Variants in VPS35L observed in about 807,000 individuals in gnomAD.
The protein encoded by VPS35L is VPS35 endosomal protein-sorting factor-like.
A neutral mutation model predicts 133.0 loss-of-function variants in VPS35L; 83 were observed. The observed-to-expected ratio is 0.62, with a 90% CI of 0.52 to 0.75. The LOEUF (loss-of-function observed/expected upper bound fraction) is 0.75, where lower values mean the gene tolerates loss of function less well. VPS35L is among the 30% of genes least tolerant of loss of function. VPS35L has a pLI of 0.00. For synonymous variants in VPS35L, 423 were observed against 449.9 expected, an observed-to-expected ratio of 0.94 and a Z score of 0.76; for missense variants, 1,083 against 1,206.8, an observed-to-expected ratio of 0.90 and a Z score of 1.52.
chr16:19,668,950 A>T (rs1440529726), intron 26 of VPS35L, among the ~76,000 whole-genome samples: 1 of 152,240 alleles, frequency 6.6e-6, no homozygotes, highest in Non-Finnish European at 1.5e-5. Flanking sequence ...AGACAATTTA[A>T]CAGAGGTTCT....
intron 17 of VPS35L, among the ~76,000 whole-genome samples, chr16:19,629,072 G>A (rs377498303): frequency 6.6e-6 from 1 of 152,108 alleles, no homozygotes; most frequent in Non-Finnish European, 1.5e-5. Flanking sequence ...CACTTTGCCC[G>A]GCCTGCCATT....
At chr16:19,599,333 T>C (rs546037519) in intron 8 of VPS35L, among the ~76,000 whole-genome samples, 1 of 152,316 alleles carries the variant, frequency 6.6e-6, no homozygotes, top group African/African-American at 2.4e-5. Flanking sequence ...GCTTGGAGTC[T>C]GCAGCCCAGT....
intron 28 of VPS35L, among the ~76,000 whole-genome samples, chr16:19,689,674 T>C (rs1975597607): frequency 6.6e-6 from 1 of 152,282 alleles, no homozygotes; most frequent in South Asian, 2.1e-4. Context: ...ATTTGCACAC[T>C]GTACTGAATA....
At chr16:19,682,535 GA>G in intron 28 of VPS35L, 145 bp downstream of exon 28, 2 of 944,712 alleles carry the variant, frequency 2.1e-6, no homozygotes, top group Non-Finnish European at 3.1e-6. Context: ...GTATTTACCT[GA>G]TCTAAGATTT....
Position 19,608,261 on chromosome 16 carries a change from C to G in VPS35L, c.868C>G (p.Leu290Val), listed in dbSNP as rs780802972. ...TTTCAAGATTGCCTCCATCAGGGAA[C>G]TCATTCCAAGATTGTATCCTTTTTT... Reference protein sequence around the residue: ...WFFKIASIRELIPRFYVEASI... With the variant: ...WFFKIASIREVIPRFYVEASI... Residue 290 changes from leucine (L) to valine (V), a missense_variant, in exon 10 of 31, where the codon CTC becomes GTC. Transcript: ENST00000417362. The G allele has an allele frequency of 3.2e-6, 5 of 1,584,410 alleles. No homozygotes were observed. The African/African-American group carries it at 4.1e-5, about 13-fold the overall frequency.
chr16:19,662,188 G>T (rs966177607), intron 26 of VPS35L, among the ~76,000 whole-genome samples: 1 of 152,078 alleles, frequency 6.6e-6, no homozygotes, highest in African/African-American at 2.4e-5. Flanking sequence ...GGGCAGCAGA[G>T]CAAGGCCCTG....
chr16:19,606,370 A>G (rs981725839), intron 9 of VPS35L, among the ~76,000 whole-genome samples: 5 of 152,228 alleles, frequency 3.3e-5, no homozygotes, highest in African/African-American at 9.6e-5. Context: ...AATAACTGCT[A>G]TCTTTTCCTG....
chr16:19,600,592 C>T (rs766217995), intron 8 of VPS35L, among the ~76,000 whole-genome samples: 1 of 152,126 alleles, frequency 6.6e-6, no homozygotes, highest in African/African-American at 2.4e-5. Context: ...ATTGAGTACC[C>T]CCTGTGTGCC....
At chr16:19,642,547 T>G in intron 22 of VPS35L, 71 bp downstream of exon 22, 1 of 1,298,006 alleles carries the variant, frequency 7.7e-7, no homozygotes, top group Non-Finnish European at 1.1e-6. Context: ...CATTAGGGAA[T>G]GACTGCTTTA....
intron 3 of VPS35L, 106 bp downstream of exon 3, chr16:19,569,697 C>G: frequency 6.0e-6 from 7 of 1,175,390 alleles, no homozygotes; most frequent in Non-Finnish European, 8.0e-6. Context: ...GAGACAGAGT[C>G]TCACTCTGTC....
At chr16:19,675,621 C>T (rs746803094) in intron 27 of VPS35L, among the ~76,000 whole-genome samples, 6 of 152,138 alleles carry the variant, frequency 3.9e-5, no homozygotes, top group Non-Finnish European at 8.8e-5. Flanking sequence ...GCAGTCTCGG[C>T]TCACTGTAAC....
At chr16:19,624,626 T>G (rs562016616) in intron 14 of VPS35L, among the ~76,000 whole-genome samples, 1 of 151,814 alleles carries the variant, frequency 6.6e-6, no homozygotes, top group Non-Finnish European at 1.5e-5. Context: ...AAAATACTTA[T>G]GTAGAGATGG....
intron 8 of VPS35L, among the ~76,000 whole-genome samples, chr16:19,600,593 C>G (rs12448855): frequency 0.24 from 36,517 of 152,032 alleles, 4,711 homozygotes; most frequent in East Asian, 0.4. Context: ...TTGAGTACCC[C>G]CTGTGTGCCA....
intron 10 of VPS35L, 59 bp downstream of exon 10, chr16:19,608,333 T>C: frequency 1.3e-5 from 16 of 1,271,704 alleles, no homozygotes; most frequent in Non-Finnish European, 1.8e-5. Context: ...AGAATTGTAC[T>C]GTTAATAGAA....
intron 5 of VPS35L, among the ~76,000 whole-genome samples, chr16:19,577,157 G>T (rs1971564790): frequency 6.6e-6 from 1 of 152,208 alleles, no homozygotes; most frequent in Admixed American, 6.5e-5. Flanking sequence ...ATAAGGAAGA[G>T]AGGTTTACTT....
intron 29 of VPS35L, among the ~76,000 whole-genome samples, chr16:19,693,062 A>G (rs1975754521): frequency 6.6e-6 from 1 of 152,206 alleles, no homozygotes; most frequent in Admixed American, 6.5e-5. Context: ...GAGGGAGGGT[A>G]TGTGACTGTG....
At chr16:19,572,389 G>T (rs1468401358) in intron 3 of VPS35L, among the ~76,000 whole-genome samples, 1 of 152,210 alleles carries the variant, frequency 6.6e-6, no homozygotes, top group East Asian at 1.9e-4. Context: ...CTGCACTCCA[G>T]CCTGGGCAAC....
At chr16:19,655,830 TC>T (rs1974279917) in intron 26 of VPS35L, among the ~76,000 whole-genome samples, 1 of 152,200 alleles carries the variant, frequency 6.6e-6, no homozygotes, top group African/African-American at 2.4e-5. Flanking sequence ...TTCAGTCCCT[TC>T]TCTAGGTAAC....
chr16:19,592,232 G>A (rs1972067369), intron 8 of VPS35L, among the ~76,000 whole-genome samples: 2 of 149,744 alleles, frequency 1.3e-5, no homozygotes, highest in African/African-American at 4.9e-5. Context: ...ATGCCACCGT[G>A]CCCAGCTAAG....
Sources: gnomAD v4.1 joint callset for allele counts (sites outside exome capture counted in the v4.1 genomes callset) on GRCh38, gnomAD v4.1.1 for gene constraint, MANE v1.5 for transcripts, NCBI Gene and HGNC (gene_info 2026-07-23, HGNC 2026-07-21) for gene names.